The following AFG2A variants were observed in gnomAD, a reference collection of about 807,000 sequenced individuals.
AFG2A encodes ATPase family gene 2 protein homolog A.
At chr4:123,239,724 C>T in the AFG2A span, among the ~76,000 whole-genome samples, 1 of 152,194 alleles carries the variant, frequency 6.6e-6, no homozygotes. Flanking sequence ...ACTGCAAAAA[C>T]ATGCCAAATT....
At chr4:123,124,621 G>A in the AFG2A span, among the ~76,000 whole-genome samples, 1 of 151,960 alleles carries the variant, frequency 6.6e-6, no homozygotes, top group South Asian at 2.1e-4. Flanking sequence ...CATGTACCCT[G>A]GAACTTAAAG....
the AFG2A span, among the ~76,000 whole-genome samples, chr4:123,179,449 T>A: frequency 2.0e-5 from 3 of 152,218 alleles, no homozygotes; most frequent in African/African-American, 7.2e-5. Context: ...CAAGTGATTC[T>A]TGATTCTCAT....
At chr4:123,175,027 TG>T in the AFG2A span, among the ~76,000 whole-genome samples, 1 of 152,038 alleles carries the variant, frequency 6.6e-6, no homozygotes, top group South Asian at 2.1e-4. Flanking sequence ...TTCACCATTT[TG>T]CCCAGGCTGG....
the AFG2A span, among the ~76,000 whole-genome samples, chr4:123,145,434 C>G: frequency 6.6e-6 from 1 of 152,036 alleles, no homozygotes; most frequent in Admixed American, 6.6e-5. Flanking sequence ...ACAAATTAAG[C>G]AATTAGATTA....
the AFG2A span, among the ~76,000 whole-genome samples, chr4:123,077,563 A>G: frequency 1.3e-5 from 2 of 152,194 alleles, no homozygotes; most frequent in African/African-American, 4.8e-5. Context: ...GTATGTTTGT[A>G]TCAGTTCCTC....
At chr4:123,056,946 T>A in the AFG2A span, among the ~76,000 whole-genome samples, 3 of 152,234 alleles carry the variant, frequency 2.0e-5, no homozygotes, top group Admixed American at 1.3e-4. Context: ...TTAACTGAAA[T>A]TTTCTGATTG....
At chr4:122,980,512 T>G in the AFG2A span, among the ~76,000 whole-genome samples, 1 of 152,216 alleles carries the variant, frequency 6.6e-6, no homozygotes, top group Non-Finnish European at 1.5e-5. Context: ...CCTTTTGATA[T>G]GTACCCAGTA....
the AFG2A span, among the ~76,000 whole-genome samples, chr4:123,286,012 C>T: frequency 6.6e-6 from 1 of 152,108 alleles, no homozygotes; most frequent in African/African-American, 2.4e-5. Flanking sequence ...ATGTCAGTTA[C>T]GTCACTGTAC....
the AFG2A span, among the ~76,000 whole-genome samples, chr4:123,040,996 C>CTT: frequency 6.4e-4 from 98 of 151,954 alleles, no homozygotes; most frequent in Admixed American, 5.3e-3. Context: ...ATCACTTTGT[C>CTT]TATTTGTGTA....
chr4:122,929,536 A>T, the AFG2A span, among the ~76,000 whole-genome samples: 1 of 152,198 alleles, frequency 6.6e-6, no homozygotes, highest in East Asian at 1.9e-4. Context: ...TCTACAAAAA[A>T]TACAAAAAAG....
At chr4:123,262,648 A>T in the AFG2A span, among the ~76,000 whole-genome samples, 1 of 152,232 alleles carries the variant, frequency 6.6e-6, no homozygotes, top group Non-Finnish European at 1.5e-5. Context: ...CTCTTACAGT[A>T]ATTGTCTTTA....
At chr4:123,086,127 A>G in the AFG2A span, among the ~76,000 whole-genome samples, 18 of 152,000 alleles carry the variant, frequency 1.2e-4, no homozygotes, top group Non-Finnish European at 2.4e-4. Context: ...TATCTTCTTT[A>G]TTTCTTCTTT....
At chr4:122,927,858 A>G in the AFG2A span, 1 of 1,478,832 alleles carries the variant, frequency 6.8e-7, no homozygotes, top group Non-Finnish European at 9.2e-7. Flanking sequence ...ATGGTAGTCA[A>G]AGGAAATGCT....
the AFG2A span, among the ~76,000 whole-genome samples, chr4:122,995,409 T>A: frequency 2.6e-5 from 4 of 152,142 alleles, no homozygotes; most frequent in Non-Finnish European, 5.9e-5. Context: ...TTTTTATAGT[T>A]TTAAGTAATA....
At chr4:122,971,803 A>G in the AFG2A span, among the ~76,000 whole-genome samples, 3 of 152,132 alleles carry the variant, frequency 2.0e-5, no homozygotes, top group Non-Finnish European at 4.4e-5. Flanking sequence ...TCTTTATTCT[A>G]TTAATGGGAA....
At chr4:122,956,673 C>T in the AFG2A span, among the ~76,000 whole-genome samples, 2 of 152,100 alleles carry the variant, frequency 1.3e-5, no homozygotes, top group Non-Finnish European at 2.9e-5. Context: ...CTCTGTCGCC[C>T]AGGCTGGAGT....
At chr4:123,015,271 G>A in the AFG2A span, among the ~76,000 whole-genome samples, 1 of 150,130 alleles carries the variant, frequency 6.7e-6, no homozygotes, top group Non-Finnish European at 1.5e-5. Context: ...AGTGGAGGGA[G>A]GGTCAGCAGA....
the AFG2A span, among the ~76,000 whole-genome samples, chr4:123,190,720 A>G: frequency 6.6e-6 from 1 of 152,232 alleles, no homozygotes; most frequent in African/African-American, 2.4e-5. Flanking sequence ...TATGACTTCC[A>G]TAGTGTACTG....
the AFG2A span, chr4:122,937,993 AC>A: frequency 1.1e-6 from 1 of 907,950 alleles, no homozygotes; most frequent in East Asian, 3.1e-5. Context: ...TTTTAGCTTA[AC>A]ATTATAATAT....
Sources: allele counts gnomAD v4.1 joint callset (sites outside exome capture counted in the v4.1 genomes callset), GRCh38; gene constraint gnomAD v4.1.1; transcripts MANE v1.5; gene names NCBI Gene and HGNC (gene_info 2026-07-23, HGNC 2026-07-21).